The following SLC7A6OS variants were observed in gnomAD, a reference collection of about 807,000 sequenced individuals.
The protein encoded by SLC7A6OS is solute carrier family 7 member 6 opposite strand.
Under a neutral mutation model 34.3 loss-of-function variants are expected in SLC7A6OS, and 22 were observed. The ratio of observed to expected loss-of-function variants is 0.64; its 90% CI spans 0.46 to 0.92. The LOEUF (loss-of-function observed/expected upper bound fraction) is 0.92. Among genes scored for constraint, SLC7A6OS ranks in the 40% least tolerant of loss-of-function variants. SLC7A6OS has a pLI of 0.00. For synonymous variants in SLC7A6OS, 199 were observed against 165.0 expected (o/e 1.21, Z -1.58); for missense variants, 434 against 407.7 (o/e 1.06, Z -0.56).
At chr16:68,302,345 C>T (rs748063846) in intron 4 of SLC7A6OS, 36 bp downstream of exon 4, 1 of 1,612,654 alleles carries the variant, frequency 6.2e-7, no homozygotes, top group Admixed American at 1.7e-5. Flanking sequence ...AGTCTCAGAT[C>T]CTACCAGTCC....
chr16:68,300,903 C>A lies in SLC7A6OS; in HGVS notation c.*372G>T. On this transcript the variant is annotated 3_prime_UTR_variant, in exon 5 of 5. Transcript: ENST00000263997. The stretch of plus-strand genomic sequence containing the variant: ...CAGGCAGCCTGGTGGTATGGCACAG[C>A]AGAAGCTTACTGCTAATGAAATGGG... 3.0e-6 allele frequency: 3 copies of A among 995,498 alleles called. No homozygotes were observed. Among genetic ancestry groups the A allele is most frequent in the Non-Finnish European group, 3.6e-6 (3 of 836,432 alleles). The allele number at this position is 995,498 out of a possible 1,614,324, so 61.7% of individuals were successfully genotyped here. A position where few individuals can be genotyped will look rare whatever the true frequency, so the allele number is the denominator to read the frequency against.
Position 68,304,008 on chromosome 16 carries a change from G to C in SLC7A6OS, c.678+18C>G. ...GCTTAGGATGCCTCATGCCCCGTCT[G>C]CTCATGGGCCCCCTTACCAGCTCCC... is the stretch of plus-strand genomic sequence containing the variant. On this transcript the variant is annotated intron_variant, in intron 3 of 4. Transcript: ENST00000263997. The C allele has an allele frequency of 6.2e-7, 1 of 1,609,588 alleles. No homozygotes were observed. Among genetic ancestry groups the C allele is most frequent in the Non-Finnish European group, 8.5e-7 (1 of 1,177,114 alleles).
At chr16:68,304,319 G>A (rs143200569) in intron 2 of SLC7A6OS, 87 bp from the exon 3 acceptor site, 4 of 1,230,458 alleles carry the variant, frequency 3.3e-6, no homozygotes, top group African/African-American at 3.0e-5. Context: ...GGTGAAGGAA[G>A]GCTCCCTACA....
chr16:68,304,692 T>C (rs1033681360), intron 2 of SLC7A6OS, among the ~76,000 whole-genome samples: 9 of 152,128 alleles, frequency 5.9e-5, no homozygotes, highest in African/African-American at 2.2e-4. Context: ...ATTATTACAT[T>C]AAAAAATCAA....
rs2043206231 is a variant in SLC7A6OS, at chr16:68,298,057, CACG to C, written c.*3215_*3217del. ...AATGAACCTTAAAGATTTTTTTACTCACGTACCTGTTACACTTTAGCATACAGA... is the reference window on the plus strand; with the variant it reads ...AATGAACCTTAAAGATTTTTTTACTCTACCTGTTACACTTTAGCATACAGA... On this transcript the variant is annotated 3_prime_UTR_variant, in exon 5 of 5. Transcript: ENST00000263997. 6.6e-6 allele frequency: 1 copy of C among 152,638 alleles called. No homozygotes were observed. The highest frequency in any genetic ancestry group is 2.1e-4 in the South Asian group (1 of 4,830). The allele number at this position is 152,638 out of a possible 1,614,324, so 9.5% of individuals were successfully genotyped here. A position where few individuals can be genotyped will look rare whatever the true frequency, so the allele number is the denominator to read the frequency against.
At chr16:68,303,885 C>T in intron 3 of SLC7A6OS, 141 bp downstream of exon 3, 1 of 732,670 alleles carries the variant, frequency 1.4e-6, no homozygotes, top group Non-Finnish European at 2.2e-6. Flanking sequence ...CTAAAAGGCA[C>T]TTAGAATAAT....
Position 68,304,244 on chromosome 16 carries a change from C to G in SLC7A6OS, c.472-12G>C, listed in dbSNP as rs916771706. On this transcript the variant is annotated splice_polypyrimidine_tract_variant and intron_variant, in intron 2 of 4. Coordinates refer to ENST00000263997, the MANE Select transcript of SLC7A6OS (RefSeq NM_032178.3). ...TCTGGGTCAGATGTCTGTAAAGAAACCACAGATTACACACACACGCATGAC... is the reference window on the plus strand; with the variant it reads ...TCTGGGTCAGATGTCTGTAAAGAAAGCACAGATTACACACACACGCATGAC... The G allele has an allele frequency of 6.2e-7, 1 of 1,611,072 alleles. No individual in the cohort carries two copies. The highest frequency in any genetic ancestry group is 8.5e-7 in the Non-Finnish European group (1 of 1,177,384).
Position 68,300,922 on chromosome 16 carries a change from A to C in SLC7A6OS, c.*353T>G, listed in dbSNP as rs2043259681. On this transcript the variant is annotated 3_prime_UTR_variant, in exon 5 of 5. Transcript: ENST00000263997. Reference sequence around the variant, plus strand: ...GCACAGCAGAAGCTTACTGCTAATGAAATGGGAACCTCCCCCTCCCTTGTG... The same window carrying C: ...GCACAGCAGAAGCTTACTGCTAATGCAATGGGAACCTCCCCCTCCCTTGTG... 1.0e-6 allele frequency: 1 copy of C among 1,001,240 alleles called. No individual in the cohort carries two copies. The highest frequency in any genetic ancestry group is 4.5e-5 in the South Asian group (1 of 22,368). The allele number at this position is 1,001,240 out of a possible 1,614,324, so 62.0% of individuals were successfully genotyped here.
chr16:68,302,204 C>T (rs2043288155), intron 4 of SLC7A6OS, 177 bp downstream of exon 4: 2 of 664,838 alleles, frequency 3.0e-6, no homozygotes, highest in Non-Finnish European at 5.2e-6. Flanking sequence ...TATTACACCC[C>T]CAGGAGGCCC....
In SLC7A6OS at chr16:68,310,462, G is replaced by A. The variant is rs769720069; in HGVS notation, c.344C>T (p.Thr115Ile). The A allele has an allele frequency of 2.5e-6, 4 of 1,601,332 alleles. No individual in the cohort carries two copies. The highest frequency in any genetic ancestry group is 2.6e-6 in the Non-Finnish European group (3 of 1,174,234). Residue 115 changes from threonine to isoleucine, a missense_variant, in exon 2 of 5, where the codon ACC (threonine) becomes ATC (isoleucine). Coordinates refer to ENST00000263997, the MANE Select transcript of SLC7A6OS (RefSeq NM_032178.3). ...GTACTCGGACTCCTGGCCGCTCGAGGTGGTCCCCAAGGATCGGCGGCTGGA... is the reference window on the plus strand; with the variant it reads ...GTACTCGGACTCCTGGCCGCTCGAGATGGTCCCCAAGGATCGGCGGCTGGA... Reference protein sequence around the residue: ...VLSSRRSLGTTSSGQESEYTP... With the variant: ...VLSSRRSLGTISSGQESEYTP...
At position 68,310,893 on chromosome 16, in the gene SLC7A6OS, T is replaced by C; in HGVS notation, c.34A>G (p.Lys12Glu). 6.2e-7 allele frequency: 1 copy of C among 1,602,542 alleles called. No homozygotes were observed. Among genetic ancestry groups the C allele is most frequent in the Non-Finnish European group, 8.5e-7 (1 of 1,176,354 alleles). Residue 12 changes from lysine to glutamate, a missense_variant, in exon 1 of 5, where the codon AAG becomes GAG. Coordinates refer to ENST00000263997, the MANE Select transcript of SLC7A6OS (RefSeq NM_032178.3). ...GCCGGCTCCGCACTGCGCTTCCGCT[T>C]CACCCGGAGTACAGCGGTCCTGGCG... ...EAARTAVLRV[K>E]RKRSAEPAEA...
chr16:68,300,494 C>A lies in SLC7A6OS; in HGVS notation c.*781G>T, dbSNP rs1597017651. ...AGTGGAAAGCTAAGTTCAGAAGGTA[C>A]TTTGTTTTTCCTCCCTTGCCTTAAG... On this transcript the variant is annotated 3_prime_UTR_variant, in exon 5 of 5. Transcript: ENST00000263997. 1 of 475,024 alleles carries A rather than the reference C, an allele frequency of 2.1e-6. No homozygotes were observed. 29.4% of individuals were successfully genotyped at this position (475,024 alleles called of 1,614,324 possible).
rs75492531 is a variant in SLC7A6OS at position 68,300,661 on chromosome 16, T to C, written c.*614A>G. ...TTACTAAACACATGTATCACATTCA[T>C]ATATATTGTTTCTTGGCCCCACTGC... On this transcript the variant is annotated 3_prime_UTR_variant, in exon 5 of 5. Transcript: ENST00000263997. The C allele has an allele frequency of 2.0e-3, 1,996 of 985,462 alleles. 30 individuals are homozygous for C. The African/African-American group carries it at 0.031, about 15-fold the overall frequency. The allele number at this position is 985,462 out of a possible 1,614,324, so 61.0% of individuals were successfully genotyped here.
intron 4 of SLC7A6OS, chr16:68,301,980 C>T (rs562628491): frequency 6.0e-4 from 108 of 179,782 alleles, no homozygotes; most frequent in African/African-American, 2.4e-3. Flanking sequence ...AAACTCTGGG[C>T]TTATTCCTAC....
chr16:68,301,266 A>C lies in SLC7A6OS; in HGVS notation c.*9T>G, dbSNP rs1438991060. 6.2e-6 allele frequency: 10 copies of C among 1,613,806 alleles called. No individual in the cohort carries two copies. The highest frequency in any genetic ancestry group is 8.5e-6 in the Non-Finnish European group (10 of 1,179,854). ...CATGTGGCAGAACCTCATGGACATCACAAGACCATCAGTCTGAATCCAGGT... is the reference window on the plus strand; with the variant it reads ...CATGTGGCAGAACCTCATGGACATCCCAAGACCATCAGTCTGAATCCAGGT... On this transcript the variant is annotated 3_prime_UTR_variant, in exon 5 of 5. Coordinates refer to ENST00000263997, the MANE Select transcript of SLC7A6OS (RefSeq NM_032178.3).
At chr16:68,309,260 A>G (rs2043368054) in intron 2 of SLC7A6OS, among the ~76,000 whole-genome samples, 1 of 151,962 alleles carries the variant, frequency 6.6e-6, no homozygotes, top group Non-Finnish European at 1.5e-5. Flanking sequence ...ATGCCCAGCT[A>G]ATTTCCTCTT....
Position 68,310,796 on chromosome 16 carries a change from T to G in SLC7A6OS, c.131A>C (p.Glu44Ala). ...ATTCTCCGCCGCTCTCTCCAAACCC[T>G]CCGACGTCTTCTGTGCCGCTGACTC... is the stretch of plus-strand genomic sequence containing the variant. ...AVESAAQKTS[E>A]GLERAAENNV... The change falls in exon 1 of 5, where the codon GAG (glutamate) becomes GCG (alanine). Residue 44 changes from glutamate (E) to alanine (A), a missense_variant. By Grantham distance (107) the Glu-to-Ala change is moderately radical. Transcript: ENST00000263997. 6.2e-7 allele frequency: 1 copy of G among 1,613,786 alleles called. No individual in the cohort carries two copies. The highest frequency in any genetic ancestry group is 1.1e-5 in the South Asian group (1 of 91,080).
At position 68,300,668 on chromosome 16, in the gene SLC7A6OS, T is replaced by A. The variant is rs1388355249; in HGVS notation, c.*607A>T. The stretch of plus-strand genomic sequence containing the variant: ...ACACATGTATCACATTCATATATAT[T>A]GTTTCTTGGCCCCACTGCCAAAGGA... On this transcript the variant is annotated 3_prime_UTR_variant, in exon 5 of 5. Transcript: ENST00000263997. 3.0e-6 allele frequency: 3 copies of A among 985,358 alleles called. No homozygotes were observed. The highest frequency in any genetic ancestry group is 2.3e-4 in the East Asian group (2 of 8,834). 61.0% of individuals were successfully genotyped at this position (985,358 alleles called of 1,614,324 possible).
In SLC7A6OS at chr16:68,304,090, G is replaced by A. The variant is rs139184366; in HGVS notation, c.614C>T (p.Thr205Met). The A allele has an allele frequency of 1.7e-4, 282 of 1,613,996 alleles. No individual in the cohort carries two copies. Among genetic ancestry groups the A allele is most frequent in the Non-Finnish European group, 2.2e-4 (259 of 1,180,018 alleles). The change falls in exon 3 of 5, where the codon ACG becomes ATG. Residue 205 changes from threonine to methionine, a missense_variant. Thr to Met is a moderately conservative substitution (Grantham distance 81, BLOSUM62 -1). Transcript: ENST00000263997. ...DYVYDIYYLE[T>M]ATPGWIENIL... ...GTTCTCAATCCAGCCTGGAGTGGCCGTCTCCAAGTAGTAAATGTCATACAC... is the reference window on the plus strand; with the variant it reads ...GTTCTCAATCCAGCCTGGAGTGGCCATCTCCAAGTAGTAAATGTCATACAC...
Sources: gnomAD v4.1 joint callset for allele counts (sites outside exome capture counted in the v4.1 genomes callset) on GRCh38, gnomAD v4.1.1 for gene constraint, MANE v1.5 for transcripts, NCBI Gene and HGNC (gene_info 2026-07-23, HGNC 2026-07-21) for gene names.